CRACD: variants seen among roughly 807,000 people sequenced by gnomAD.
CRACD encodes the protein capping protein inhibiting regulator of actin dynamics, also known as capping protein-inhibiting regulator of actin dynamics.
In CRACD, 56 loss-of-function variants were observed where a neutral mutation model predicts 106.8. The observed-to-expected ratio is 0.52, with a 90% confidence interval of 0.42 to 0.66. The LOEUF (loss-of-function observed/expected upper bound fraction) is 0.66. Among genes scored for constraint, CRACD ranks in the 30% least tolerant of loss-of-function variants. The pLI is 0.00. For missense variants in CRACD, 1,730 were observed against 1,623.2 expected, an observed-to-expected ratio of 1.07 and a Z score of -1.13; for synonymous variants, 754 against 670.8, an observed-to-expected ratio of 1.12 and a Z score of -1.92.
chr4:56,293,626 G>A (rs1743823465), intron 3 of CRACD, among the ~76,000 whole-genome samples: 1 of 152,238 alleles, frequency 6.6e-6, no homozygotes, highest in African/African-American at 2.4e-5. Flanking sequence ...ATGGCAGAAG[G>A]CAAAGAGGGA....
intron 3 of CRACD, among the ~76,000 whole-genome samples, chr4:56,295,152 T>G (rs1577871311): frequency 1.3e-5 from 2 of 151,632 alleles, no homozygotes; most frequent in East Asian, 3.9e-4. Context: ...CCAGAAAAAA[T>G]TATAATATAG....
At chr4:56,275,833 G>A (rs909188785) in intron 3 of CRACD, among the ~76,000 whole-genome samples, 1 of 152,194 alleles carries the variant, frequency 6.6e-6, no homozygotes, top group Admixed American at 6.5e-5. Flanking sequence ...CCCAATGTGA[G>A]GGAGAATTTC....
In CRACD at chr4:56,316,282, G is replaced by A. The variant is rs200653846; in HGVS notation, c.2780G>A (p.Arg927His). The A allele has an allele frequency of 4.0e-3, 6,463 of 1,613,924 alleles. 34 individuals are homozygous for A. Among genetic ancestry groups the A allele is most frequent in the Non-Finnish European group, 4.5e-3 (5,356 of 1,179,858 alleles). The change falls in exon 8 of 11, where the codon CGC becomes CAC. Residue 927 changes from arginine to histidine, a missense_variant. Coordinates refer to ENST00000682029, the MANE Select transcript of CRACD (RefSeq NM_001393381.1). ...GACTCCGCTGAACCTTCCAGCAGCC[G>A]CTCTGTTCCTGTGGCCCACCCTGGG... Reference protein sequence around the residue: ...RRDSAEPSSSRSVPVAHPGPP... With the variant: ...RRDSAEPSSSHSVPVAHPGPP...
chr4:56,100,624 G>A (rs1376030238), intron 1 of CRACD, among the ~76,000 whole-genome samples: 2 of 152,172 alleles, frequency 1.3e-5, no homozygotes, highest in Non-Finnish European at 2.9e-5. Context: ...GTAATTAAGT[G>A]AAAGTGGGAT....
intron 4 of CRACD, among the ~76,000 whole-genome samples, chr4:56,305,869 G>T (rs1017230845): frequency 6.6e-6 from 1 of 152,206 alleles, no homozygotes; most frequent in South Asian, 2.1e-4. Context: ...TGAGTTCAAA[G>T]GGAGAGAAGA....
At chr4:56,283,318 A>C (rs1038143529) in intron 3 of CRACD, among the ~76,000 whole-genome samples, 1 of 152,200 alleles carries the variant, frequency 6.6e-6, no homozygotes, top group Non-Finnish European at 1.5e-5. Flanking sequence ...ATCCAGACGC[A>C]GACCTAGAAG....
intron 1 of CRACD, among the ~76,000 whole-genome samples, chr4:56,073,414 G>C (rs1430839319): frequency 2.0e-5 from 3 of 152,186 alleles, no homozygotes; most frequent in African/African-American, 7.2e-5. Context: ...CTTTTGAAAA[G>C]TGTCTATTCA....
At chr4:56,298,457 A>G (rs2109721884) in intron 4 of CRACD, 108 bp downstream of exon 4, 1 of 1,321,700 alleles carries the variant, frequency 7.6e-7, no homozygotes, top group African/African-American at 1.5e-5. Flanking sequence ...GGAGGTCCAG[A>G]GGTCACTCCT....
At chr4:56,202,536 C>A (rs1046327716) in intron 2 of CRACD, among the ~76,000 whole-genome samples, 7 of 152,126 alleles carry the variant, frequency 4.6e-5, no homozygotes, top group African/African-American at 1.7e-4. Flanking sequence ...TGTGAGCCAC[C>A]GCGCCCAGCA....
intron 2 of CRACD, among the ~76,000 whole-genome samples, chr4:56,247,120 G>C (rs1374580371): frequency 6.6e-6 from 1 of 152,156 alleles, no homozygotes; most frequent in Non-Finnish European, 1.5e-5. Context: ...TGAGCTCTGT[G>C]ATCATCCTCT....
At chr4:56,176,841 C>T (rs981511180) in intron 1 of CRACD, among the ~76,000 whole-genome samples, 1 of 152,086 alleles carries the variant, frequency 6.6e-6, no homozygotes, top group Non-Finnish European at 1.5e-5. Flanking sequence ...AATGAGATTA[C>T]TTTCTAGATT....
chr4:56,137,056 T>C (rs1735026651), intron 1 of CRACD, among the ~76,000 whole-genome samples: 1 of 152,206 alleles, frequency 6.6e-6, no homozygotes, highest in Admixed American at 6.5e-5. Flanking sequence ...GGGGATTTTT[T>C]GTTCTGTTTC....
At chr4:56,124,465 T>G (rs1174113573) in intron 1 of CRACD, among the ~76,000 whole-genome samples, 1 of 152,320 alleles carries the variant, frequency 6.6e-6, no homozygotes, top group East Asian at 1.9e-4. Context: ...CAGGACTCTT[T>G]TAAAATATAA....
chr4:56,145,888 T>TGCTAG (rs1446605109), intron 1 of CRACD, among the ~76,000 whole-genome samples: 1 of 152,202 alleles, frequency 6.6e-6, no homozygotes, highest in African/African-American at 2.4e-5. Context: ...CCTCCCAAAG[T>TGCTAG]GCTAGGATTC....
rs146933676 is a variant in CRACD, at chr4:56,296,330, GT to G, written c.-16-1874del. ...GATAATGAAAGTAAAACTCCACACA[GT>G]TTTTTTTTTAAATCAAAGTAAGGGT... On this transcript the variant is annotated intron_variant, in intron 3 of 10. Coordinates refer to ENST00000682029, the MANE Select transcript of CRACD (RefSeq NM_001393381.1). 3.6e-3 allele frequency among the ~76,000 whole-genome samples: 539 copies of G among 149,422 alleles called. 3 individuals are homozygous for G. The highest frequency in any genetic ancestry group is 0.012 in the African/African-American group (500 of 40,810).
intron 1 of CRACD, among the ~76,000 whole-genome samples, chr4:56,131,102 T>C (rs1389989934): frequency 6.6e-6 from 1 of 152,244 alleles, no homozygotes; most frequent in Non-Finnish European, 1.5e-5. Context: ...TATAGCCTTT[T>C]GTCTGTACAC....
chr4:56,057,790 A>AT (rs1732129219), intron 1 of CRACD, among the ~76,000 whole-genome samples: 1 of 78,404 alleles, frequency 1.3e-5, no homozygotes, highest in African/African-American at 6.3e-5. Context: ...CACCTGGCTC[A>AT]TTTTTTGTAT....
intron 1 of CRACD, among the ~76,000 whole-genome samples, chr4:56,118,327 C>T (rs1431519388): frequency 6.6e-6 from 1 of 152,192 alleles, no homozygotes; most frequent in Non-Finnish European, 1.5e-5. Context: ...CACTTAGGAA[C>T]ACTTACTGGT....
chr4:56,260,701 C>T (rs2109614166), intron 2 of CRACD, among the ~76,000 whole-genome samples: 1 of 152,312 alleles, frequency 6.6e-6, no homozygotes, highest in Admixed American at 6.5e-5. Flanking sequence ...CAGAGGCTTT[C>T]CTGAGAGAAT....
Sources: allele counts gnomAD v4.1 joint callset (sites outside exome capture counted in the v4.1 genomes callset), GRCh38; gene constraint gnomAD v4.1.1; transcripts MANE v1.5; gene names NCBI Gene and HGNC (gene_info 2026-07-23, HGNC 2026-07-21).